Variants in TMEM245 observed in about 807,000 individuals in gnomAD.
The protein encoded by TMEM245 is transmembrane protein 245.
In TMEM245, 69 loss-of-function variants were observed where a neutral mutation model predicts 101.2. The observed-to-expected ratio is 0.68, with a 90% CI of 0.56 to 0.83. The LOEUF is 0.83. Ranked by LOEUF, TMEM245 falls within the 40% of genes least tolerant of loss-of-function variation. The probability of loss-of-function intolerance (pLI) is 0.00; values close to 1 mark genes in which losing one functional copy is unlikely to be tolerated. For missense variants in TMEM245, 1,075 were observed against 1,092.8 expected (o/e 0.98, Z 0.23); for synonymous variants, 537 against 449.8 (o/e 1.19, Z -2.45).
chr9:109,064,431 A>G (rs758897421), intron 10 of TMEM245, 46 bp downstream of exon 10: 2 of 1,563,142 alleles, frequency 1.3e-6, no homozygotes, highest in East Asian at 2.2e-5. Flanking sequence ...AACCACCAGT[A>G]AAGACCCTGA....
At chr9:109,026,529 C>T (rs1366415791) in intron 17 of TMEM245, among the ~76,000 whole-genome samples, 2 of 151,330 alleles carry the variant, frequency 1.3e-5, no homozygotes, top group African/African-American at 4.9e-5. Context: ...GTATCTGAGG[C>T]CTGATGGAAA....
intron 10 of TMEM245, among the ~76,000 whole-genome samples, chr9:109,063,756 C>T (rs1399172363): frequency 6.6e-6 from 1 of 152,130 alleles, no homozygotes; most frequent in African/African-American, 2.4e-5. Flanking sequence ...AAGCACACTC[C>T]TGTCTCAGCA....
intron 3 of TMEM245, among the ~76,000 whole-genome samples, chr9:109,098,607 G>A (rs528178869): frequency 4.0e-5 from 6 of 151,410 alleles, no homozygotes; most frequent in Non-Finnish European, 5.9e-5. Flanking sequence ...AAACTGAACA[G>A]AACAATGCCA....
intron 12 of TMEM245, among the ~76,000 whole-genome samples, chr9:109,053,482 G>GT (rs1828746243): frequency 6.6e-6 from 1 of 152,164 alleles, no homozygotes. Flanking sequence ...GCCAGGTTTG[G>GT]TATCAGTTTA....
intron 16 of TMEM245, among the ~76,000 whole-genome samples, chr9:109,035,697 T>G (rs1312264294): frequency 6.6e-6 from 1 of 152,132 alleles, no homozygotes; most frequent in African/African-American, 2.4e-5. Flanking sequence ...AGGTTAAATG[T>G]CACTAAATCA....
intron 17 of TMEM245, among the ~76,000 whole-genome samples, chr9:109,032,199 G>A (rs771491519): frequency 3.9e-5 from 6 of 151,930 alleles, no homozygotes; most frequent in African/African-American, 7.2e-5. Context: ...ATTGGTTATC[G>A]AAGTATCATT....
intron 12 of TMEM245, among the ~76,000 whole-genome samples, chr9:109,055,548 A>G (rs1828804922): frequency 1.3e-5 from 2 of 152,246 alleles, no homozygotes; most frequent in African/African-American, 4.8e-5. Context: ...TTCTCAAATA[A>G]GTAAAAAAGG....
chr9:109,048,727 G>A (rs368243469), intron 14 of TMEM245, among the ~76,000 whole-genome samples: 3 of 152,186 alleles, frequency 2.0e-5, no homozygotes, highest in Non-Finnish European at 4.4e-5. Context: ...TACCAGAAAT[G>A]ATGAAGAGGA....
At chr9:109,029,784 A>C (rs771148191) in intron 17 of TMEM245, among the ~76,000 whole-genome samples, 1 of 152,248 alleles carries the variant, frequency 6.6e-6, no homozygotes, top group Non-Finnish European at 1.5e-5. Flanking sequence ...AGACCAGGGC[A>C]CTTAGGACAG....
chr9:109,103,367 G>A (rs1026038992), intron 3 of TMEM245, among the ~76,000 whole-genome samples: 3 of 152,058 alleles, frequency 2.0e-5, no homozygotes, highest in African/African-American at 4.8e-5. Context: ...GTATCAAAAA[G>A]AATAAGGAAT....
At chr9:109,091,217 G>C (rs1170308498) in intron 4 of TMEM245, 62 bp from the exon 5 acceptor site, 4 of 1,425,186 alleles carry the variant, frequency 2.8e-6, no homozygotes, top group Non-Finnish European at 3.9e-6. Flanking sequence ...TGGGAATACA[G>C]AGCCACTCAT....
intron 8 of TMEM245, among the ~76,000 whole-genome samples, chr9:109,074,945 C>T (rs1454733985): frequency 6.6e-6 from 1 of 152,100 alleles, no homozygotes; most frequent in Non-Finnish European, 1.5e-5. Flanking sequence ...ATGAATAAGG[C>T]CTGACACGTT....
chr9:109,065,596 T>C (rs1255262928), intron 9 of TMEM245, among the ~76,000 whole-genome samples: 1 of 152,202 alleles, frequency 6.6e-6, no homozygotes, highest in East Asian at 1.9e-4. Flanking sequence ...AGAGGTGGCC[T>C]CCTCATTCTT....
Position 109,018,820 on chromosome 9 carries a change from C to G in TMEM245, c.*1640G>C, listed in dbSNP as rs1459368421. The G allele has an allele frequency of 2.0e-5, 3 of 151,738 alleles. No homozygotes were observed. The highest frequency in any genetic ancestry group is 4.4e-5 in the Non-Finnish European group (3 of 68,082). The allele number at this position is 151,738 out of a possible 1,614,324, so 9.4% of individuals were successfully genotyped here. On this transcript the variant is annotated 3_prime_UTR_variant, in exon 18 of 18. Transcript: ENST00000374586. ...GCGCCATCTTGGCTCACTGCAGCCT[C>G]GACCTCCTGGACTCAGGTGATCCTC...
chr9:109,033,391 G>C lies in TMEM245; in HGVS notation c.2510C>G (p.Ser837Cys). 1.2e-6 allele frequency: 2 copies of C among 1,614,150 alleles called. No individual in the cohort carries two copies. The highest frequency in any genetic ancestry group is 8.5e-7 in the Non-Finnish European group (1 of 1,180,018). ...CACTAGCATGGCACTATAGATATTGGAAGCAACCACAAGTATGCAGAGAAG... is the reference window on the plus strand; with the variant it reads ...CACTAGCATGGCACTATAGATATTGCAAGCAACCACAAGTATGCAGAGAAG... ...PILLCILVVASNIYSAMLVSP... is the reference protein window; with the variant it reads ...PILLCILVVACNIYSAMLVSP... The change falls in exon 17 of 18, where the codon TCC becomes TGC. Residue 837 changes from serine to cysteine, a missense_variant. By Grantham distance (112) the Ser-to-Cys change is moderately radical. Around this residue, in one of 2 missense-constraint regions of TMEM245, gnomAD observed 267 missense variants for 351.3 expected, o/e 0.76. Transcript: ENST00000374586.
At chr9:109,033,156 G>T in intron 17 of TMEM245, 151 bp downstream of exon 17, 1 of 868,858 alleles carries the variant, frequency 1.2e-6, no homozygotes, top group Non-Finnish European at 1.6e-6. Flanking sequence ...CCAACGATTT[G>T]TATTTACTTA....
chr9:109,064,844 C>T (rs560717896), intron 9 of TMEM245, among the ~76,000 whole-genome samples: 18 of 152,280 alleles, frequency 1.2e-4, no homozygotes, highest in Admixed American at 7.8e-4. Context: ...TGCAATGGCA[C>T]GATCTCGGCT....
At position 109,110,277 on chromosome 9, in the gene TMEM245, C is replaced by A. The variant is rs564477079; in HGVS notation, c.580-1707G>T. ...CTATGTGCCAGGCCCTATTCTAATG[C>A]TTTATGTATACTAACTCATTTGATC... On this transcript the variant is annotated intron_variant, in intron 1 of 17. Coordinates refer to ENST00000374586, the MANE Select transcript of TMEM245 (RefSeq NM_032012.4). 5.0e-4 allele frequency among the ~76,000 whole-genome samples: 76 copies of A among 152,216 alleles called. 1 individual carries two copies. Among genetic ancestry groups the A allele is most frequent in the South Asian group, 1.0e-3 (5 of 4,830 alleles).
At chr9:109,098,655 G>T (rs1204949793) in intron 3 of TMEM245, among the ~76,000 whole-genome samples, 2 of 152,004 alleles carry the variant, frequency 1.3e-5, no homozygotes, top group Non-Finnish European at 2.9e-5. Flanking sequence ...TATTAGAATG[G>T]TATTGTATTT....
Sources: gnomAD v4.1 joint callset for allele counts (sites outside exome capture counted in the v4.1 genomes callset) on GRCh38, gnomAD v4.1.1 for gene constraint, gnomAD v4.1.1 regional missense constraint, MANE v1.5 for transcripts, NCBI Gene and HGNC (gene_info 2026-07-23, HGNC 2026-07-21) for gene names.